Variants in CLCN4 observed in about 807,000 individuals in gnomAD.
CLCN4 encodes the protein H(+)/Cl(-) exchange transporter 4.
CLCN4 carries 1 observed loss-of-function variant against 41.7 expected under a neutral mutation model. The observed-to-expected ratio is 0.02, with a 90% CI of 0.01 to 0.11. The LOEUF is 0.11. Ranked by LOEUF, CLCN4 falls within the 10% of genes least tolerant of loss-of-function variation. CLCN4 has a pLI of 1.00. For missense variants in CLCN4, 287 were observed against 661.0 expected, an observed-to-expected ratio of 0.43 and a Z score of 6.20; for synonymous variants, 277 against 285.8, an observed-to-expected ratio of 0.97 and a Z score of 0.31.
chrX:10,178,677 G>C lies in CLCN4; in HGVS notation c.-11-6345G>C, dbSNP rs748121365. Among the ~76,000 whole-genome samples, 4 of 111,732 alleles carry C rather than the reference G, an allele frequency of 3.6e-5. No homozygotes were observed. In the South Asian group the frequency reaches 1.5e-3, roughly 42 times the overall value. Reference sequence around the variant, plus strand: ...CTTCGCCCCCATTTTCCTGATGTCTGTTTTCCTTTGGTCTGATTGGAGAGG... The same window carrying C: ...CTTCGCCCCCATTTTCCTGATGTCTCTTTTCCTTTGGTCTGATTGGAGAGG... On this transcript the variant is annotated intron_variant, in intron 2 of 12. Coordinates refer to ENST00000380833, the MANE Select transcript of CLCN4 (RefSeq NM_001830.4).
intron 11 of CLCN4, among the ~76,000 whole-genome samples, chrX:10,216,918 T>TATATATATATACACACACACACACAC (rs773265490): frequency 2.6e-5 from 1 of 38,931 alleles, no homozygotes; most frequent in Non-Finnish European, 4.2e-5. Flanking sequence ...TATATATATA[T>TATATATATATACACACACACACACAC]ACACACACAC....
intron 12 of CLCN4, among the ~76,000 whole-genome samples, chrX:10,230,695 A>G (rs1305882748): frequency 8.9e-6 from 1 of 111,986 alleles, no homozygotes; most frequent in East Asian, 2.8e-4. Context: ...CTCTTGTTTC[A>G]GGATTATAAC....
intron 12 of CLCN4, among the ~76,000 whole-genome samples, chrX:10,227,723 A>G (rs1029032783): frequency 1.8e-5 from 2 of 111,732 alleles, no homozygotes; most frequent in Admixed American, 9.5e-5. Context: ...GGACTTGCCT[A>G]TTCTGGACAT....
At chrX:10,192,879 G>A (rs1924003942) in intron 4 of CLCN4, among the ~76,000 whole-genome samples, 1 of 112,154 alleles carries the variant, frequency 8.9e-6, no homozygotes, top group African/African-American at 3.3e-5. Context: ...GGAGCTGCTG[G>A]GATATGGGGA....
intron 12 of CLCN4, among the ~76,000 whole-genome samples, chrX:10,229,386 A>T (rs1925066073): frequency 9.7e-6 from 1 of 102,677 alleles, no homozygotes; most frequent in Admixed American, 1.0e-4. Flanking sequence ...AGATTTTTAA[A>T]ATATATATAT....
chrX:10,178,191 T>G (rs1923582013), intron 2 of CLCN4, among the ~76,000 whole-genome samples: 1 of 110,355 alleles, frequency 9.1e-6, no homozygotes, highest in African/African-American at 3.3e-5. Context: ...GGGGTGAAAA[T>G]GTTCTGGAAT....
intron 2 of CLCN4, among the ~76,000 whole-genome samples, chrX:10,160,200 T>C (rs1923056356): frequency 9.0e-6 from 1 of 111,586 alleles, no homozygotes; most frequent in Non-Finnish European, 1.9e-5. Flanking sequence ...TGAGATGATC[T>C]CGAAATATTC....
At chrX:10,204,676 C>T (rs1322681407) in intron 6 of CLCN4, among the ~76,000 whole-genome samples, 8 of 77,626 alleles carry the variant, frequency 1.0e-4, no homozygotes, top group Admixed American at 2.1e-4. Context: ...AATGTTAAAA[C>T]TACACTTGGC....
At chrX:10,216,897 G>GTATATATATATATATATATATA (rs1555977625) in intron 11 of CLCN4, among the ~76,000 whole-genome samples, 603 of 20,656 alleles carry the variant, frequency 0.029, 112 homozygotes, top group Non-Finnish European at 0.051. Context: ...GTGTGTGTGT[G>GTATATATATATATATATATATA]TATATATATA....
chrX:10,175,544 G>A (rs1160346196), intron 2 of CLCN4, among the ~76,000 whole-genome samples: 1 of 111,666 alleles, frequency 9.0e-6, no homozygotes, highest in East Asian at 2.8e-4. Context: ...AGTCACTGGG[G>A]CTCCTGGAAA....
intron 10 of CLCN4, 38 bp from the exon 11 acceptor site, chrX:10,213,643 C>T: frequency 2.6e-6 from 3 of 1,164,252 alleles, no homozygotes; most frequent in Non-Finnish European, 3.5e-6. Flanking sequence ...AGCTGCCCGG[C>T]TTGCACTTTG....
In CLCN4 at chrX:10,233,557, G is replaced by T. The variant is rs2147193950; in HGVS notation, c.2256G>T (p.Gln752His). The change falls in exon 13 of 13, where the codon CAG (glutamine) becomes CAT (histidine). Residue 752 changes from glutamine to histidine, a missense_variant. Coordinates refer to ENST00000380833, the MANE Select transcript of CLCN4 (RefSeq NM_001830.4). ...GACATATGGCCCAGATGGCAAACCA[G>T]GACCCCGAATCCATCATGTTTAATT... ...VLRHMAQMAN[Q>H]DPESIMFN 8.3e-7 allele frequency: 1 copy of T among 1,207,587 alleles called. No individual in the cohort carries two copies. Among genetic ancestry groups the T allele is most frequent in the African/African-American group, 1.7e-5 (1 of 57,691 alleles).
At chrX:10,216,897 G>GTATATATATATATATATATATATA (rs1555977625) in intron 11 of CLCN4, among the ~76,000 whole-genome samples, 282 of 20,727 alleles carry the variant, frequency 0.014, 56 homozygotes, top group Non-Finnish European at 0.02. Context: ...GTGTGTGTGT[G>GTATATATATATATATATATATATA]TATATATATA....
intron 9 of CLCN4, among the ~76,000 whole-genome samples, chrX:10,209,274 TCC>T (rs1924477557): frequency 1.7e-5 from 1 of 59,298 alleles, no homozygotes; most frequent in African/African-American, 7.8e-5. Context: ...TCCTCCTCCC[TCC>T]CTCCCTCCCT....
In CLCN4 at chrX:10,205,259, A is replaced by G. The variant is rs761606789; in HGVS notation, c.556-1099A>G. 2.0e-4 allele frequency among the ~76,000 whole-genome samples: 22 copies of G among 110,960 alleles called. No homozygotes were observed. In the East Asian group the frequency reaches 6.3e-3, roughly 32 times the overall value. On this transcript the variant is annotated intron_variant, in intron 6 of 12. Coordinates refer to ENST00000380833, the MANE Select transcript of CLCN4 (RefSeq NM_001830.4). Reference sequence around the variant, plus strand: ...GAGGCCAAGGCGGGCGGATCACAAGATCAGGAGATGGAGTCCATCCTGGCT... The same window carrying G: ...GAGGCCAAGGCGGGCGGATCACAAGGTCAGGAGATGGAGTCCATCCTGGCT...
intron 2 of CLCN4, among the ~76,000 whole-genome samples, chrX:10,172,639 G>T (rs1009738310): frequency 1.5e-4 from 16 of 104,544 alleles, no homozygotes; most frequent in African/African-American, 5.3e-4. Flanking sequence ...GAAAGTGTGT[G>T]TGTTTGTGTG....
intron 2 of CLCN4, 116 bp from the exon 3 acceptor site, chrX:10,184,906 G>C: frequency 1.9e-6 from 1 of 538,319 alleles, no homozygotes; most frequent in Admixed American, 3.4e-5. Flanking sequence ...TTACAGCACA[G>C]ATGCCTATGC....
intron 2 of CLCN4, among the ~76,000 whole-genome samples, chrX:10,161,360 G>T (rs367914565): frequency 2.7e-5 from 3 of 111,833 alleles, no homozygotes; most frequent in African/African-American, 9.8e-5. Context: ...GGCCTGTCAC[G>T]CTCCTGTGTG....
intron 1 of CLCN4, 140 bp from the exon 2 acceptor site, chrX:10,158,149 A>T (rs768961313): frequency 5.7e-5 from 13 of 227,652 alleles, no homozygotes; most frequent in Non-Finnish European, 8.7e-5. Flanking sequence ...TACTAGTTTT[A>T]AAATAAAACA....
Sources: gnomAD v4.1 joint callset for allele counts (sites outside exome capture counted in the v4.1 genomes callset) on GRCh38, gnomAD v4.1.1 for gene constraint, MANE v1.5 for transcripts, NCBI Gene and HGNC (gene_info 2026-07-23, HGNC 2026-07-21) for gene names.